Variants in ERC2 observed in about 807,000 individuals in gnomAD.
ERC2 encodes ERC protein 2.
A neutral mutation model predicts 114.8 loss-of-function variants in ERC2; 42 were observed. That is an observed-to-expected ratio of 0.37 (90% CI 0.29 to 0.47). The LOEUF (loss-of-function observed/expected upper bound fraction) is 0.47, where lower values mean the gene tolerates loss of function less well. ERC2 is among the 20% of genes least tolerant of loss of function. The pLI, the probability that ERC2 is intolerant of heterozygous loss-of-function variation, is 0.99. For synonymous variants in ERC2, 454 were observed against 425.5 expected (o/e 1.07, Z -0.82); for missense variants, 939 against 1,150.7 (o/e 0.82, Z 2.66).
At chr3:56,180,493 C>T (rs539471608) in intron 3 of ERC2, among the ~76,000 whole-genome samples, 8 of 152,204 alleles carry the variant, frequency 5.3e-5, no homozygotes, top group African/African-American at 9.6e-5. Flanking sequence ...CATAAAAGGA[C>T]GGAAATTTTA....
At chr3:55,987,205 T>C (rs1353380710) in intron 11 of ERC2, among the ~76,000 whole-genome samples, 1 of 152,160 alleles carries the variant, frequency 6.6e-6, no homozygotes, top group Non-Finnish European at 1.5e-5. Context: ...GCGCAACTGA[T>C]CTAAAATGAG....
chr3:56,238,901 A>G (rs2051139908), intron 3 of ERC2, among the ~76,000 whole-genome samples: 1 of 152,224 alleles, frequency 6.6e-6, no homozygotes. Context: ...TTCCAGAGTT[A>G]TTTCAAGAAG....
intron 7 of ERC2, among the ~76,000 whole-genome samples, chr3:56,046,579 CA>C (rs2075474358): frequency 6.6e-6 from 1 of 152,152 alleles, no homozygotes; most frequent in Non-Finnish European, 1.5e-5. Flanking sequence ...AACCATAAAA[CA>C]AAGAGGCTGA....
chr3:56,141,961 T>C (rs975531882), intron 5 of ERC2, among the ~76,000 whole-genome samples: 1 of 152,200 alleles, frequency 6.6e-6, no homozygotes, highest in African/African-American at 2.4e-5. Flanking sequence ...AAGTAGGAAG[T>C]GTTCCTTCCT....
At chr3:55,527,554 G>T (rs1460792027) in intron 17 of ERC2, among the ~76,000 whole-genome samples, 1 of 152,160 alleles carries the variant, frequency 6.6e-6, no homozygotes, top group Admixed American at 6.5e-5. Context: ...TAGGGCAAGG[G>T]TTGTCATCTC....
At chr3:56,249,527 T>A (rs559657435) in intron 3 of ERC2, among the ~76,000 whole-genome samples, 2 of 151,890 alleles carry the variant, frequency 1.3e-5, no homozygotes, top group African/African-American at 4.8e-5. Flanking sequence ...GGGGTTTCAC[T>A]GTGTTAGCCA....
At chr3:55,570,507 G>C (rs1010204671) in intron 17 of ERC2, among the ~76,000 whole-genome samples, 1 of 152,146 alleles carries the variant, frequency 6.6e-6, no homozygotes, top group East Asian at 1.9e-4. Context: ...AGTGCAGAGG[G>C]AGGGCCAGGG....
chr3:55,832,313 T>TCCCTGAC (rs1221066845), intron 14 of ERC2, among the ~76,000 whole-genome samples: 5 of 152,188 alleles, frequency 3.3e-5, no homozygotes. Context: ...CTCAAGTGGG[T>TCCCTGAC]CCCTGACCCC....
At chr3:56,266,081 A>G (rs376807410) in intron 3 of ERC2, among the ~76,000 whole-genome samples, 1 of 135,228 alleles carries the variant, frequency 7.4e-6, no homozygotes, top group African/African-American at 2.6e-5. Context: ...AAAATAAAAT[A>G]AAATAAAATT....
At chr3:56,160,487 C>T (rs2081986106) in intron 4 of ERC2, among the ~76,000 whole-genome samples, 1 of 152,092 alleles carries the variant, frequency 6.6e-6, no homozygotes, top group Admixed American at 6.6e-5. Context: ...TTAATTAGGT[C>T]CCACTTGTCA....
intron 1 of ERC2, among the ~76,000 whole-genome samples, chr3:56,441,072 C>A (rs2062282678): frequency 6.6e-6 from 1 of 152,206 alleles, no homozygotes; most frequent in Non-Finnish European, 1.5e-5. Flanking sequence ...CTGAGTCTAA[C>A]CCTAAAGAGG....
chr3:56,375,020 A>G (rs11929325), intron 2 of ERC2, among the ~76,000 whole-genome samples: 35,316 of 152,078 alleles, frequency 0.23, 4,683 homozygotes, highest in Non-Finnish European at 0.29. Flanking sequence ...TTTGAGATGG[A>G]TGAGAGCAGC....
intron 6 of ERC2, among the ~76,000 whole-genome samples, chr3:56,133,789 C>T (rs2149896413): frequency 6.6e-6 from 1 of 152,342 alleles, no homozygotes; most frequent in East Asian, 1.9e-4. Context: ...AAGGCTAAGA[C>T]TATCAGCTCT....
Position 56,434,392 on chromosome 3 carries a change from C to G in ERC2, c.616G>C (p.Val206Leu), listed in dbSNP as rs745689307. 1 of 1,613,932 alleles carries G rather than the reference C, an allele frequency of 6.2e-7. No homozygotes were observed. The highest frequency in any genetic ancestry group is 8.5e-7 in the Non-Finnish European group (1 of 1,179,896). Residue 206 changes from valine (V) to leucine (L), a missense_variant, in exon 2 of 18, where the codon GTC becomes CTC. By Grantham distance (32) the Val-to-Leu change is conservative (BLOSUM62 1). This residue lies in a region of ERC2 where 281 missense variants were observed against 307.4 expected (regional missense o/e 0.91). Transcript: ENST00000288221. Reference sequence around the variant, plus strand: ...GAAACCCTCATCTGCTCCTTGAGGACAGACATCCGCGCTGCCTCTTCTTTC... The same window carrying G: ...GAAACCCTCATCTGCTCCTTGAGGAGAGACATCCGCGCTGCCTCTTCTTTC... ...LRKEEAARMS[V>L]LKEQMRVSHE...
At chr3:56,433,192 AAG>A (rs35806370) in intron 2 of ERC2, among the ~76,000 whole-genome samples, 21 of 137,722 alleles carry the variant, frequency 1.5e-4, no homozygotes, top group Admixed American at 3.6e-4. Flanking sequence ...AAAAAAAAAA[AAG>A]AGAGAGAGAG....
chr3:55,520,067 A>G (rs992413612), intron 17 of ERC2, among the ~76,000 whole-genome samples: 4 of 142,810 alleles, frequency 2.8e-5, no homozygotes, highest in African/African-American at 1.1e-4. Flanking sequence ...AAAAAAAAGG[A>G]AAAAAAAGGA....
At chr3:56,222,509 G>A (rs1312790368) in intron 3 of ERC2, among the ~76,000 whole-genome samples, 1 of 152,006 alleles carries the variant, frequency 6.6e-6, no homozygotes, top group Non-Finnish European at 1.5e-5. Flanking sequence ...GCTTGGTGAG[G>A]CCTTGTCTGA....
chr3:55,697,567 T>G (rs2062997701), intron 16 of ERC2, among the ~76,000 whole-genome samples: 1 of 152,150 alleles, frequency 6.6e-6, no homozygotes. Context: ...GAGCCTAGCT[T>G]TTGTAAGAAA....
intron 17 of ERC2, among the ~76,000 whole-genome samples, chr3:55,598,601 G>A (rs1389106416): frequency 6.6e-6 from 1 of 152,188 alleles, no homozygotes; most frequent in Non-Finnish European, 1.5e-5. Context: ...ACTGGTTTTT[G>A]ATCACCTGCC....
Sources: allele counts gnomAD v4.1 joint callset (sites outside exome capture counted in the v4.1 genomes callset), GRCh38; gene constraint gnomAD v4.1.1; regional missense constraint gnomAD v4.1.1; transcripts MANE v1.5; gene names NCBI Gene and HGNC (gene_info 2026-07-23, HGNC 2026-07-21).